TENM4: variants seen among roughly 807,000 people sequenced by gnomAD.
The protein encoded by TENM4 is teneurin-4.
Under a neutral mutation model 243.3 loss-of-function variants are expected in TENM4, and 82 were observed. That is an observed-to-expected ratio of 0.34 (90% confidence interval 0.28 to 0.40). TENM4 has a LOEUF of 0.40. Ranked by LOEUF, TENM4 falls within the 10% of genes least tolerant of loss-of-function variation. The pLI is 1.00. For synonymous variants in TENM4, 1,412 were observed against 1,456.3 expected (o/e 0.97, Z 0.69); for missense variants, 3,138 against 3,673.3 (o/e 0.85, Z 3.77).
intron 3 of TENM4, among the ~76,000 whole-genome samples, chr11:79,194,643 A>G (rs919862915): frequency 1.3e-5 from 2 of 152,188 alleles, no homozygotes; most frequent in African/African-American, 4.8e-5. Context: ...GATTTAGGGT[A>G]TCTGGTGGAA....
chr11:79,349,797 A>C (rs1857385299), intron 1 of TENM4, among the ~76,000 whole-genome samples: 1 of 152,190 alleles, frequency 6.6e-6, no homozygotes, highest in African/African-American at 2.4e-5. Context: ...ATTGCTGAAT[A>C]AATATCTGAA....
At chr11:79,334,976 C>T (rs12279156) in intron 1 of TENM4, among the ~76,000 whole-genome samples, 26,511 of 152,176 alleles carry the variant, frequency 0.17, 2,381 homozygotes, top group Non-Finnish European at 0.19. Flanking sequence ...ATTCTTCTTT[C>T]GCCACCTTCA....
At chr11:78,733,357 C>T (rs1855712373) in intron 20 of TENM4, among the ~76,000 whole-genome samples, 1 of 152,186 alleles carries the variant, frequency 6.6e-6, no homozygotes, top group Non-Finnish European at 1.5e-5. Context: ...CCCTCCTAGT[C>T]CTAGTTCTGT....
intron 9 of TENM4, among the ~76,000 whole-genome samples, chr11:78,889,341 C>G (rs1239509701): frequency 6.6e-6 from 1 of 152,206 alleles, no homozygotes; most frequent in Non-Finnish European, 1.5e-5. Context: ...TCCCTCCAAG[C>G]CCAGGGTGCT....
chr11:79,143,691 A>G (rs910525256), intron 4 of TENM4, among the ~76,000 whole-genome samples: 2 of 151,560 alleles, frequency 1.3e-5, no homozygotes, highest in Non-Finnish European at 2.9e-5. Context: ...ATAAATAAAT[A>G]AAATAAAAAA....
intron 12 of TENM4, among the ~76,000 whole-genome samples, chr11:78,847,627 T>C (rs1858429313): frequency 6.6e-6 from 1 of 152,218 alleles, no homozygotes; most frequent in African/African-American, 2.4e-5. Flanking sequence ...ACAGGGTGCT[T>C]TTCCAAAGAA....
Position 79,120,540 on chromosome 11 carries a change from T to C in TENM4, c.-66+28170A>G, listed in dbSNP as rs898795921. Among the ~76,000 whole-genome samples, 4 of 152,342 alleles carry C rather than the reference T, an allele frequency of 2.6e-5. No homozygotes were observed. The South Asian group carries it at 8.3e-4, about 32-fold the overall frequency. On this transcript the variant is annotated intron_variant, in intron 4 of 33. Transcript: ENST00000278550. ...GGTAGGATTTGGGCAGTAACAATGC[T>C]GAGGTCTCACCAAGCATTGTCTATA... is the stretch of plus-strand genomic sequence containing the variant.
At chr11:79,416,217 T>C (rs1197486116) in intron 1 of TENM4, among the ~76,000 whole-genome samples, 3 of 152,248 alleles carry the variant, frequency 2.0e-5, no homozygotes, top group Non-Finnish European at 4.4e-5. Context: ...TACAGGTCTT[T>C]GTATCTCAAT....
At chr11:79,298,521 C>CAAA (rs61373828) in intron 1 of TENM4, among the ~76,000 whole-genome samples, 22 of 17,234 alleles carry the variant, frequency 1.3e-3, no homozygotes, top group African/African-American at 2.1e-3. Flanking sequence ...GACTCCGTCT[C>CAAA]AAAAAAAAAA....
intron 6 of TENM4, among the ~76,000 whole-genome samples, chr11:78,937,029 A>C (rs1856801138): frequency 6.6e-6 from 1 of 152,186 alleles, no homozygotes; most frequent in Admixed American, 6.5e-5. Context: ...AAACACATCA[A>C]ATTATTTATC....
intron 18 of TENM4, among the ~76,000 whole-genome samples, chr11:78,769,031 G>C (rs1856597247): frequency 6.6e-6 from 1 of 152,230 alleles, no homozygotes; most frequent in Non-Finnish European, 1.5e-5. Context: ...ATTTCCTAAA[G>C]ACATGCAGTC....
intron 12 of TENM4, among the ~76,000 whole-genome samples, chr11:78,834,848 T>C (rs1449583036): frequency 2.0e-5 from 3 of 152,130 alleles, no homozygotes; most frequent in Non-Finnish European, 2.9e-5. Flanking sequence ...CCACGTCACA[T>C]AGACTCTGAA....
At chr11:78,859,411 T>C (rs945942322) in intron 10 of TENM4, among the ~76,000 whole-genome samples, 1 of 152,240 alleles carries the variant, frequency 6.6e-6, no homozygotes, top group Non-Finnish European at 1.5e-5. Flanking sequence ...TTACTGATAA[T>C]AGTCCTTTGC....
intron 3 of TENM4, among the ~76,000 whole-genome samples, chr11:79,205,270 A>G (rs997748570): frequency 1.3e-5 from 2 of 152,174 alleles, no homozygotes; most frequent in African/African-American, 4.8e-5. Context: ...AGTATAAAAT[A>G]CTGTCATAGC....
intron 6 of TENM4, among the ~76,000 whole-genome samples, chr11:79,023,416 G>T (rs1333355347): frequency 6.6e-6 from 1 of 152,004 alleles, no homozygotes; most frequent in Non-Finnish European, 1.5e-5. Context: ...ACAAAAATTA[G>T]CCGGGCGCAG....
intron 4 of TENM4, among the ~76,000 whole-genome samples, chr11:79,128,035 G>C (rs905910240): frequency 2.0e-5 from 3 of 152,166 alleles, no homozygotes; most frequent in Admixed American, 6.5e-5. Context: ...GTTTTGAGTG[G>C]GGTCCAGAAA....
At chr11:78,712,968 C>T (rs1362578720) in intron 25 of TENM4, among the ~76,000 whole-genome samples, 1 of 152,122 alleles carries the variant, frequency 6.6e-6, no homozygotes, top group Non-Finnish European at 1.5e-5. Context: ...TGCAAAAACC[C>T]CTTCAAGATG....
At chr11:78,689,840 G>C (rs896675318) in intron 28 of TENM4, among the ~76,000 whole-genome samples, 2 of 152,210 alleles carry the variant, frequency 1.3e-5, no homozygotes, top group African/African-American at 4.8e-5. Flanking sequence ...AGGAGGCATT[G>C]GTAGAGGTCT....
At chr11:79,048,626 G>C (rs1859719835) in intron 6 of TENM4, among the ~76,000 whole-genome samples, 1 of 152,100 alleles carries the variant, frequency 6.6e-6, no homozygotes, top group Non-Finnish European at 1.5e-5. Context: ...TGAGTTTCTG[G>C]TAGTCTTTGG....
Sources: allele counts gnomAD v4.1 joint callset (sites outside exome capture counted in the v4.1 genomes callset), GRCh38; gene constraint gnomAD v4.1.1; transcripts MANE v1.5; gene names NCBI Gene and HGNC (gene_info 2026-07-23, HGNC 2026-07-21).